Variants in KLF12 observed in about 807,000 individuals in gnomAD.
KLF12 encodes the protein KLF transcription factor 12, also known as Krueppel-like factor 12.
In KLF12, 9 loss-of-function variants were observed where a neutral mutation model predicts 37.8. The ratio of observed to expected loss-of-function variants is 0.24; its 90% CI spans 0.14 to 0.42. KLF12 has a LOEUF of 0.42. KLF12 is among the 10% of genes least tolerant of loss of function. The pLI is 1.00. For missense variants in KLF12, 411 were observed against 516.0 expected (o/e 0.80, Z 1.97); for synonymous variants, 208 against 202.1 (o/e 1.03, Z -0.25).
chr13:73,937,018 C>G (rs1453215687), intron 3 of KLF12, among the ~76,000 whole-genome samples: 1 of 151,952 alleles, frequency 6.6e-6, no homozygotes, highest in Non-Finnish European at 1.5e-5. Context: ...GGTGAAACCC[C>G]GTCTCTACTA....
At chr13:74,208,798 AC>A in the KLF12 span, among the ~76,000 whole-genome samples, 1 of 152,094 alleles carries the variant, frequency 6.6e-6, no homozygotes, top group African/African-American at 2.4e-5. Flanking sequence ...GCACAGTGAG[AC>A]ACTGTGTCTA....
intron 4 of KLF12, among the ~76,000 whole-genome samples, chr13:73,836,825 C>T (rs1429475718): frequency 3.9e-5 from 6 of 152,060 alleles, no homozygotes; most frequent in Admixed American, 2.0e-4. Context: ...ATGTAGATTA[C>T]ATTAGAATAC....
At chr13:74,132,916 C>T (rs1432673142) in intron 1 of KLF12, among the ~76,000 whole-genome samples, 3 of 152,216 alleles carry the variant, frequency 2.0e-5, no homozygotes, top group African/African-American at 7.2e-5. Context: ...AACGTGAACA[C>T]CAACTAATGT....
At chr13:73,973,179 C>T (rs1026638010) in intron 2 of KLF12, among the ~76,000 whole-genome samples, 25 of 152,210 alleles carry the variant, frequency 1.6e-4, no homozygotes, top group African/African-American at 5.5e-4. Context: ...CCTGTGGGCA[C>T]CAAAGTACTC....
At chr13:74,152,808 C>T in the KLF12 span, among the ~76,000 whole-genome samples, 14 of 151,468 alleles carry the variant, frequency 9.2e-5, no homozygotes, top group South Asian at 8.4e-4. Context: ...TGCTTGAGCC[C>T]GGGGAGTCGA....
chr13:73,969,077 A>C (rs1891255179), intron 2 of KLF12, among the ~76,000 whole-genome samples: 1 of 152,102 alleles, frequency 6.6e-6, no homozygotes, highest in South Asian at 2.1e-4. Flanking sequence ...TTCTTCTACT[A>C]TATTGGAGTG....
intron 3 of KLF12, among the ~76,000 whole-genome samples, chr13:73,905,665 A>AT (rs1888246469): frequency 6.6e-6 from 1 of 151,936 alleles, no homozygotes; most frequent in African/African-American, 2.4e-5. Context: ...ATAAAAGCAG[A>AT]TAACATGGTG....
the KLF12 span, among the ~76,000 whole-genome samples, chr13:74,160,854 G>T: frequency 6.6e-6 from 1 of 152,114 alleles, no homozygotes; most frequent in Non-Finnish European, 1.5e-5. Flanking sequence ...AAGGCTCGTT[G>T]TTTTGTGGGA....
the KLF12 span, among the ~76,000 whole-genome samples, chr13:74,208,214 CAA>C: frequency 6.6e-6 from 1 of 152,142 alleles, no homozygotes; most frequent in Admixed American, 6.6e-5. Context: ...CTATTAGAAT[CAA>C]ACACATTGAA....
chr13:73,826,700 T>G (rs1400582728), intron 4 of KLF12, among the ~76,000 whole-genome samples: 4 of 152,152 alleles, frequency 2.6e-5, no homozygotes, highest in African/African-American at 9.7e-5. Flanking sequence ...TAACTACATA[T>G]ATGTCCATGA....
At chr13:74,287,156 T>G in the KLF12 span, among the ~76,000 whole-genome samples, 14 of 152,298 alleles carry the variant, frequency 9.2e-5, no homozygotes, top group East Asian at 2.5e-3. Context: ...TACCTCTTCC[T>G]TAGCATGCAA....
chr13:73,728,436 A>G (rs1876825899), intron 6 of KLF12, among the ~76,000 whole-genome samples: 2 of 152,096 alleles, frequency 1.3e-5, no homozygotes, highest in Admixed American at 1.3e-4. Flanking sequence ...TTTCTAATCT[A>G]CATTTCTTTT....
the KLF12 span, among the ~76,000 whole-genome samples, chr13:74,207,446 C>T: frequency 4.6e-5 from 7 of 152,134 alleles, no homozygotes; most frequent in East Asian, 3.9e-4. Flanking sequence ...GAGGCCAAGG[C>T]GGGTGGATCA....
At chr13:73,961,519 G>A (rs1891019992) in intron 2 of KLF12, among the ~76,000 whole-genome samples, 2 of 152,108 alleles carry the variant, frequency 1.3e-5, no homozygotes, top group African/African-American at 4.8e-5. Flanking sequence ...ATTCAGGCAG[G>A]AAACCCCAAA....
In KLF12 at chr13:73,944,004, C is replaced by T; in HGVS notation, c.100G>A (p.Glu34Lys). The T allele has an allele frequency of 3.7e-6, 6 of 1,612,546 alleles. No homozygotes were observed. Among genetic ancestry groups the T allele is most frequent in the Non-Finnish European group, 4.2e-6 (5 of 1,178,896 alleles). ...ACCCCTTGTTCAGATTCCAAAAGCT[C>T]TGTTTTGACTCTGACTGCCGGCATC... Residue 34 changes from glutamate to lysine, a missense_variant, in exon 3 of 8, where the codon GAG becomes AAG. Glu to Lys is a moderately conservative substitution (Grantham distance 56). This residue lies in a region of KLF12 where 351 missense variants were observed against 397.8 expected (regional missense o/e 0.88). Transcript: ENST00000377669.
At chr13:73,789,898 G>T (rs953437456) in intron 5 of KLF12, among the ~76,000 whole-genome samples, 4 of 152,042 alleles carry the variant, frequency 2.6e-5, no homozygotes, top group African/African-American at 4.8e-5. Context: ...GGATGGTCTC[G>T]ATCTCCTGAC....
intron 3 of KLF12, among the ~76,000 whole-genome samples, chr13:73,889,312 T>C (rs778005646): frequency 3.3e-5 from 5 of 152,244 alleles, no homozygotes; most frequent in Admixed American, 6.5e-5. Flanking sequence ...TATCTATGTA[T>C]ATATTCCCTT....
the KLF12 span, among the ~76,000 whole-genome samples, chr13:74,158,305 G>A: frequency 6.6e-6 from 1 of 152,038 alleles, no homozygotes; most frequent in Non-Finnish European, 1.5e-5. Flanking sequence ...GGACTTAAAG[G>A]GGGGTGTAAG....
At chr13:73,859,240 G>A (rs1885783222) in intron 3 of KLF12, among the ~76,000 whole-genome samples, 1 of 152,184 alleles carries the variant, frequency 6.6e-6, no homozygotes, top group Admixed American at 6.5e-5. Flanking sequence ...AGGACCACAT[G>A]CAAAACAGGG....
Sources: allele counts gnomAD v4.1 joint callset (sites outside exome capture counted in the v4.1 genomes callset), GRCh38; gene constraint gnomAD v4.1.1; regional missense constraint gnomAD v4.1.1; transcripts MANE v1.5; gene names NCBI Gene and HGNC (gene_info 2026-07-23, HGNC 2026-07-21).